NLRP4: variants seen among roughly 807,000 people sequenced by gnomAD.
The protein encoded by NLRP4 is NLR family pyrin domain containing 4, also known as NACHT, LRR and PYD domains-containing protein 4.
Under a neutral mutation model 84.7 loss-of-function variants are expected in NLRP4, and 44 were observed. The observed-to-expected ratio is 0.52, with a 90% CI of 0.41 to 0.67. The LOEUF is 0.67. Ranked by LOEUF, NLRP4 falls within the 30% of genes least tolerant of loss-of-function variation. NLRP4 has a pLI of 0.00. For missense variants in NLRP4, 1,260 were observed against 1,219.4 expected (o/e 1.03, Z -0.50); for synonymous variants, 544 against 476.4 (o/e 1.14, Z -1.85).
intron 6 of NLRP4, among the ~76,000 whole-genome samples, chr19:55,869,503 C>A (rs1045479254): frequency 2.0e-5 from 3 of 152,128 alleles, no homozygotes; most frequent in Non-Finnish European, 4.4e-5. Context: ...TGTCTGTCAA[C>A]AGGAAGCAGT....
At position 55,867,777 on chromosome 19, in the gene NLRP4, A is replaced by G. The variant is rs768991618; in HGVS notation, c.2255A>G (p.Lys752Arg). ...VLAGLLTNNK[K>R]LTYLNVSCNQ... Reference sequence around the variant, plus strand: ...GCTGGCCTTCTAACCAACAACAAGAAGCTGACGTATCTGAATGTATCCTGC... The same window carrying G: ...GCTGGCCTTCTAACCAACAACAAGAGGCTGACGTATCTGAATGTATCCTGC... Residue 752 changes from lysine (K) to arginine (R), a missense_variant, in exon 6 of 10, where the codon AAG (lysine) becomes AGG (arginine). Lys to Arg is a conservative substitution (Grantham distance 26, BLOSUM62 2). This residue lies in a region of NLRP4 where 544 missense variants were observed against 531.7 expected (regional missense o/e 1.02). Coordinates refer to ENST00000301295, the MANE Select transcript of NLRP4 (RefSeq NM_134444.5). 1 of 1,614,164 alleles carries G rather than the reference A, an allele frequency of 6.2e-7. No homozygotes were observed. The highest frequency in any genetic ancestry group is 8.5e-7 in the Non-Finnish European group (1 of 1,179,994).
intron 1 of NLRP4, among the ~76,000 whole-genome samples, chr19:55,838,237 G>A (rs931644439): frequency 2.0e-5 from 3 of 151,832 alleles, no homozygotes; most frequent in Admixed American, 6.6e-5. Context: ...GGGAGGCAGA[G>A]GTTGCAGTGA....
chr19:55,848,717 A>G (rs1347883407), intron 1 of NLRP4, among the ~76,000 whole-genome samples: 1 of 152,158 alleles, frequency 6.6e-6, no homozygotes, highest in Non-Finnish European at 1.5e-5. Flanking sequence ...ATATTCTTTA[A>G]AAAGAAGTCT....
rs775211855 is a variant in NLRP4 at position 55,858,959 on chromosome 19, A to G, written c.1566A>G (p.Gln522=). Residue 522 remains glutamine, a synonymous_variant, in exon 3 of 10, where the codon CAA becomes CAG. Transcript: ENST00000301295. The surrounding 1 kb of genome is among the most constrained non-coding windows in gnomAD (Gnocchi z 4.2). ...AACTGGATGCGTTTTTTGGCTTCCA[A>G]CTGTCCCAAGAGATAAAGCAGCAAA... ...QEKLDAFFGF[Q]LSQEIKQQIH... 1.9e-5 allele frequency: 31 copies of G among 1,614,052 alleles called. No individual in the cohort carries two copies. The highest frequency in any genetic ancestry group is 1.6e-4 in the Middle Eastern group (1 of 6,084).
intron 1 of NLRP4, among the ~76,000 whole-genome samples, chr19:55,845,754 G>A (rs1406416956): frequency 3.3e-5 from 5 of 150,300 alleles, no homozygotes; most frequent in African/African-American, 1.2e-4. Context: ...TTGTGGTTTT[G>A]ATTTGCATTT....
chr19:55,876,712 A>G (rs554099610), intron 7 of NLRP4, among the ~76,000 whole-genome samples: 1 of 152,276 alleles, frequency 6.6e-6, no homozygotes, highest in South Asian at 2.1e-4. Flanking sequence ...AATACTGTAA[A>G]TCATCTCTAA....
intron 7 of NLRP4, 63 bp from the exon 8 acceptor site, chr19:55,876,933 C>A: frequency 7.1e-7 from 1 of 1,408,408 alleles, no homozygotes; most frequent in Non-Finnish European, 9.8e-7. Context: ...TTTGGTGTCT[C>A]TTTTCCTGAT....
chr19:55,843,543 T>A (rs1421868620), intron 1 of NLRP4, among the ~76,000 whole-genome samples: 1 of 151,724 alleles, frequency 6.6e-6, no homozygotes, highest in East Asian at 1.9e-4. Flanking sequence ...ATACAAAAAA[T>A]TAGCCAGGCG....
intron 1 of NLRP4, among the ~76,000 whole-genome samples, chr19:55,851,687 TG>T (rs1262660536): frequency 0.15 from 20,515 of 141,014 alleles, 3,480 homozygotes; most frequent in East Asian, 0.22. Context: ...TGCGGTGTAA[TG>T]TCCGAGGCTG....
chr19:55,865,907 C>A (rs2123048444), intron 5 of NLRP4, among the ~76,000 whole-genome samples: 1 of 152,330 alleles, frequency 6.6e-6, no homozygotes, highest in Non-Finnish European at 1.5e-5. Flanking sequence ...CTTTGAAGCA[C>A]AAAAGCTTCT....
chr19:55,875,966 G>C (rs933660447), intron 7 of NLRP4, among the ~76,000 whole-genome samples: 4 of 152,172 alleles, frequency 2.6e-5, no homozygotes, highest in Non-Finnish European at 5.9e-5. Flanking sequence ...GAACCCGTGA[G>C]GCAGAGGTTG....
chr19:55,881,612 C>T lies in NLRP4; in HGVS notation c.*25C>T, dbSNP rs540360639. On this transcript the variant is annotated 3_prime_UTR_variant, in exon 10 of 10. Coordinates refer to ENST00000301295, the MANE Select transcript of NLRP4 (RefSeq NM_134444.5). ...ATTGCGAGGAACCTGGGCTCTGACT[C>T]GAACACCTGCAAAGGACAGGGACTG... The T allele has an allele frequency of 5.0e-5, 55 of 1,109,466 alleles. 2 individuals carry two copies. Among genetic ancestry groups the T allele is most frequent in the African/African-American group, 1.5e-4 (10 of 65,216 alleles). The allele number at this position is 1,109,466 out of a possible 1,614,324, so 68.7% of individuals were successfully genotyped here.
In NLRP4 at chr19:55,879,672, G is replaced by A. The variant is rs989098808; in HGVS notation, c.2867+708G>A. The stretch of plus-strand genomic sequence containing the variant: ...CTGGCATTCCCCCCATGCAATCTTC[G>A]CGCTCCCTTATTTATGTTTGCAGCT... On this transcript the variant is annotated intron_variant, in intron 9 of 9. Transcript: ENST00000301295. Among the ~76,000 whole-genome samples, 8 of 152,004 alleles carry A rather than the reference G, an allele frequency of 5.3e-5. 1 individual carries two copies. Among genetic ancestry groups the A allele is most frequent in the South Asian group, 4.2e-4 (2 of 4,816 alleles).
At chr19:55,848,477 C>T (rs111323262) in intron 1 of NLRP4, among the ~76,000 whole-genome samples, 2 of 152,112 alleles carry the variant, frequency 1.3e-5, no homozygotes, top group Non-Finnish European at 2.9e-5. Context: ...GATCTCGGCT[C>T]ACTGCAACCT....
At chr19:55,862,892 G>T (rs1452372388) in intron 5 of NLRP4, among the ~76,000 whole-genome samples, 1 of 152,232 alleles carries the variant, frequency 6.6e-6, no homozygotes, top group African/African-American at 2.4e-5. Flanking sequence ...GGAAGTTAAA[G>T]TTTCCCAATT....
intron 5 of NLRP4, among the ~76,000 whole-genome samples, chr19:55,863,636 G>A (rs1477007753): frequency 6.6e-6 from 1 of 152,124 alleles, no homozygotes; most frequent in Non-Finnish European, 1.5e-5. Flanking sequence ...TTCGACGTGA[G>A]GGTTGGGTGG....
At chr19:55,850,698 C>T (rs1199511236) in intron 1 of NLRP4, among the ~76,000 whole-genome samples, 2 of 139,790 alleles carry the variant, frequency 1.4e-5, no homozygotes, top group African/African-American at 2.9e-5. Context: ...TCCGTGGCTG[C>T]GGTGTACTTC....
intron 3 of NLRP4, among the ~76,000 whole-genome samples, chr19:55,860,823 CA>C (rs1272269514): frequency 6.6e-6 from 1 of 151,956 alleles, no homozygotes; most frequent in Non-Finnish European, 1.5e-5. Flanking sequence ...ACTAAAAATA[CA>C]AAAATTAGCC....
chr19:55,855,080 A>G (rs1378136838), intron 2 of NLRP4, among the ~76,000 whole-genome samples: 1 of 152,116 alleles, frequency 6.6e-6, no homozygotes, highest in African/African-American at 2.4e-5. Context: ...TTTTGGTGTC[A>G]CACGCTGAGG....
Sources: gnomAD v4.1 joint callset for allele counts (sites outside exome capture counted in the v4.1 genomes callset) on GRCh38, gnomAD v4.1.1 for gene constraint, gnomAD v4.1.1 regional missense constraint, Gnocchi (gnomAD v3.1) non-coding constraint, MANE v1.5 for transcripts, NCBI Gene and HGNC (gene_info 2026-07-23, HGNC 2026-07-21) for gene names.